The following XXYLT1 variants were observed in gnomAD, a reference collection of about 807,000 sequenced individuals.
XXYLT1 encodes the protein UDP-xylose:alpha-xyloside alpha-1,3-xylosyltransferase.
XXYLT1 carries 20 observed loss-of-function variants against 28.9 expected under a neutral mutation model. That is an observed-to-expected ratio of 0.69 (90% CI 0.49 to 1.00). The LOEUF (loss-of-function observed/expected upper bound fraction) is 1.00, where lower values mean the gene tolerates loss of function less well. XXYLT1 is among the 50% of genes least tolerant of loss of function. The pLI, the probability that XXYLT1 is intolerant of heterozygous loss-of-function variation, is 0.00. For synonymous variants in XXYLT1, 257 were observed against 253.8 expected, an observed-to-expected ratio of 1.01 and a Z score of -0.12; for missense variants, 542 against 560.1, an observed-to-expected ratio of 0.97 and a Z score of 0.33.
chr3:195,254,484 C>T (rs2108844948), intron 1 of XXYLT1, among the ~76,000 whole-genome samples: 1 of 152,370 alleles, frequency 6.6e-6, no homozygotes, highest in Admixed American at 6.5e-5. Context: ...TCAGCACGTC[C>T]ACGGGGCATA....
At chr3:195,189,776 G>GA (rs1196428390) in intron 2 of XXYLT1, among the ~76,000 whole-genome samples, 1 of 152,054 alleles carries the variant, frequency 6.6e-6, no homozygotes, top group Non-Finnish European at 1.5e-5. Flanking sequence ...CAAAATAGGT[G>GA]AAAAAAATTT....
intron 1 of XXYLT1, among the ~76,000 whole-genome samples, chr3:195,248,092 T>G (rs976822263): frequency 6.6e-6 from 1 of 152,062 alleles, no homozygotes; most frequent in African/African-American, 2.4e-5. Context: ...AAGCCGCTCA[T>G]CCAGTGCTCG....
intron 1 of XXYLT1, among the ~76,000 whole-genome samples, chr3:195,250,513 G>C (rs1448250368): frequency 6.6e-6 from 1 of 150,562 alleles, no homozygotes; most frequent in Admixed American, 6.6e-5. Flanking sequence ...GCAGTCAGCA[G>C]AGATCGCGCC....
intron 3 of XXYLT1, among the ~76,000 whole-genome samples, chr3:195,130,086 T>C (rs538344223): frequency 1.2e-4 from 19 of 152,354 alleles, no homozygotes; most frequent in South Asian, 1.0e-3. Context: ...GAGCATCTTT[T>C]TGTGTGCTTT....
At chr3:195,111,003 G>A (rs1427835545) in intron 3 of XXYLT1, among the ~76,000 whole-genome samples, 2 of 150,272 alleles carry the variant, frequency 1.3e-5, no homozygotes, top group East Asian at 3.9e-4. Context: ...GTACAAACCG[G>A]TTTGCTTAAA....
intron 1 of XXYLT1, among the ~76,000 whole-genome samples, chr3:195,237,774 AC>A (rs1269423887): frequency 1.3e-5 from 2 of 151,984 alleles, no homozygotes; most frequent in Non-Finnish European, 2.9e-5. Context: ...CTTCTAAGGT[AC>A]CGTTTCCTTT....
At chr3:195,220,227 C>T (rs185455230) in intron 2 of XXYLT1, among the ~76,000 whole-genome samples, 68 of 152,228 alleles carry the variant, frequency 4.5e-4, no homozygotes, top group African/African-American at 1.5e-3. Flanking sequence ...CTGCAACCTC[C>T]GCCTCCTGGG....
At position 195,109,500 on chromosome 3, in the gene XXYLT1, C is replaced by T. The variant is rs1372449706; in HGVS notation, c.786-39389G>A. ...TGCATGTGTGTGTGAGGTATGTGTA[C>T]GTGTGTGGTGTATGAGTGTGCATGT... On this transcript the variant is annotated intron_variant, in intron 3 of 3. Coordinates refer to ENST00000310380, the MANE Select transcript of XXYLT1 (RefSeq NM_152531.5). 3.4e-5 allele frequency among the ~76,000 whole-genome samples: 5 copies of T among 144,978 alleles called. No individual in the cohort carries two copies. The East Asian group carries it at 8.2e-4, about 24-fold the overall frequency.
At chr3:195,218,848 A>G (rs1441606366) in intron 2 of XXYLT1, among the ~76,000 whole-genome samples, 49 of 152,214 alleles carry the variant, frequency 3.2e-4, no homozygotes, top group African/African-American at 1.0e-3. Context: ...TCATGCTGCT[A>G]TAAAGACACA....
At chr3:195,242,769 C>T (rs1450370607) in intron 1 of XXYLT1, among the ~76,000 whole-genome samples, 1 of 152,128 alleles carries the variant, frequency 6.6e-6, no homozygotes, top group South Asian at 2.1e-4. Flanking sequence ...ATGTAGGGTG[C>T]CATGATGTTC....
chr3:195,158,681 C>T (rs2108686634), intron 2 of XXYLT1, among the ~76,000 whole-genome samples: 1 of 152,388 alleles, frequency 6.6e-6, no homozygotes, highest in Non-Finnish European at 1.5e-5. Flanking sequence ...TATAAAACAA[C>T]TGAGATGGGA....
intron 2 of XXYLT1, among the ~76,000 whole-genome samples, chr3:195,170,903 A>G (rs1721372721): frequency 6.6e-6 from 1 of 152,166 alleles, no homozygotes; most frequent in African/African-American, 2.4e-5. Flanking sequence ...TAATCCAGCC[A>G]TGAAAGAGCA....
chr3:195,082,653 A>G (rs1715500155), intron 3 of XXYLT1, among the ~76,000 whole-genome samples: 1 of 152,130 alleles, frequency 6.6e-6, no homozygotes, highest in South Asian at 2.1e-4. Context: ...AGGAGTTTGA[A>G]GCCATCCTGG....
At position 195,069,986 on chromosome 3, in the gene XXYLT1, G is replaced by A. The variant is rs367629019; in HGVS notation, c.911C>T (p.Pro304Leu). Reference sequence around the variant, plus strand: ...CGGCTCCAGCAGGCGGCTGTAGAGCGGGGACTGGCGCATGGCCTCCAGGTT... The same window carrying A: ...CGGCTCCAGCAGGCGGCTGTAGAGCAGGGACTGGCGCATGGCCTCCAGGTT... ...LLNLEAMRQSPLYSRLLEPAQ... is the reference protein window; with the variant it reads ...LLNLEAMRQSLLYSRLLEPAQ... Residue 304 changes from proline (P) to leucine (L), a missense_variant, in exon 4 of 4, where the codon CCG becomes CTG. Physicochemically the swap from Pro to Leu is moderately conservative, Grantham distance 98 (BLOSUM62 -3). Transcript: ENST00000310380. The A allele has an allele frequency of 1.6e-4, 265 of 1,608,976 alleles. 2 individuals carry two copies. The highest frequency in any genetic ancestry group is 4.9e-4 in the South Asian group (45 of 91,064).
At position 195,213,976 on chromosome 3, in the gene XXYLT1, T is replaced by A. The variant is rs1440984752; in HGVS notation, c.652+12733A>T. Among the ~76,000 whole-genome samples the A allele has an allele frequency of 2.6e-5, 4 of 152,174 alleles. No homozygotes were observed. In the South Asian group the frequency reaches 8.3e-4, roughly 31 times the overall value. Reference sequence around the variant, plus strand: ...ATTTTGGTTTCTGAAAGCAAAACATTAGGAGCCATCGCAGGTGGGAGATTC... The same window carrying A: ...ATTTTGGTTTCTGAAAGCAAAACATAAGGAGCCATCGCAGGTGGGAGATTC... On this transcript the variant is annotated intron_variant, in intron 2 of 3. Coordinates refer to ENST00000310380, the MANE Select transcript of XXYLT1 (RefSeq NM_152531.5).
intron 1 of XXYLT1, among the ~76,000 whole-genome samples, chr3:195,252,981 C>A (rs1362642649): frequency 6.6e-6 from 1 of 152,120 alleles, no homozygotes; most frequent in South Asian, 2.1e-4. Context: ...CAAATTAGGC[C>A]TGCAAGAAAC....
intron 1 of XXYLT1, among the ~76,000 whole-genome samples, chr3:195,239,217 C>G (rs1724678296): frequency 6.6e-6 from 1 of 152,198 alleles, no homozygotes; most frequent in African/African-American, 2.4e-5. Flanking sequence ...AATCAAAATA[C>G]CCAGGCCTCC....
At chr3:195,109,170 A>T (rs1717313610) in intron 3 of XXYLT1, among the ~76,000 whole-genome samples, 1 of 152,178 alleles carries the variant, frequency 6.6e-6, no homozygotes, top group South Asian at 2.1e-4. Context: ...CGTTGCTTGC[A>T]GATCTCCACT....
intron 2 of XXYLT1, among the ~76,000 whole-genome samples, chr3:195,199,480 G>A (rs1048006417): frequency 6.6e-6 from 1 of 152,040 alleles, no homozygotes; most frequent in African/African-American, 2.4e-5. Context: ...GCATGGTGGT[G>A]GGCGCCTGTA....
Sources: gnomAD v4.1 joint callset for allele counts (sites outside exome capture counted in the v4.1 genomes callset) on GRCh38, gnomAD v4.1.1 for gene constraint, MANE v1.5 for transcripts, NCBI Gene and HGNC (gene_info 2026-07-23, HGNC 2026-07-21) for gene names.